The following FBLIM1 variants were observed in gnomAD, a reference collection of about 807,000 sequenced individuals.
The protein encoded by FBLIM1 is filamin-binding LIM protein 1.
In FBLIM1, 29 loss-of-function variants were observed where a neutral mutation model predicts 37.4. That is an observed-to-expected ratio of 0.77 (90% CI 0.58 to 1.06). FBLIM1 has a LOEUF of 1.06. Ranked by LOEUF, FBLIM1 falls within the 50% of genes least tolerant of loss-of-function variation. The probability of loss-of-function intolerance (pLI) is 0.00; values close to 1 mark genes in which losing one functional copy is unlikely to be tolerated. For missense variants in FBLIM1, 449 were observed against 505.6 expected, an observed-to-expected ratio of 0.89 and a Z score of 1.07; for synonymous variants, 193 against 199.0, an observed-to-expected ratio of 0.97 and a Z score of 0.25.
chr1:15,775,267 TG>T (rs1226315041), intron 7 of FBLIM1: 2 of 164,548 alleles, frequency 1.2e-5, no homozygotes, highest in Non-Finnish European at 2.5e-5. Context: ...CTGGGGGCAG[TG>T]GCTCACACCT....
chr1:15,774,430 A>G lies in FBLIM1; in HGVS notation c.712-188A>G, dbSNP rs142142232. On this transcript the variant is annotated intron_variant, in intron 6 of 8. Coordinates refer to ENST00000375766, the MANE Select transcript of FBLIM1 (RefSeq NM_017556.4). Reference sequence around the variant, plus strand: ...CAGTATTCCTTGCTGTAAGCCAAGGATGCAAGGCTAAGCTCAATTTGTTAT... The same window carrying G: ...CAGTATTCCTTGCTGTAAGCCAAGGGTGCAAGGCTAAGCTCAATTTGTTAT... 4.7e-3 allele frequency among the ~76,000 whole-genome samples: 723 copies of G among 152,360 alleles called. 4 individuals are homozygous for G. The highest frequency in any genetic ancestry group is 0.015 in the African/African-American group (631 of 41,586).
At chr1:15,771,806 A>T (rs1384135388) in intron 6 of FBLIM1, among the ~76,000 whole-genome samples, 1 of 151,602 alleles carries the variant, frequency 6.6e-6, no homozygotes, top group Non-Finnish European at 1.5e-5. Context: ...CTTTGGGGGC[A>T]TCTCTTAGCT....
chr1:15,776,205 C>T (rs780846084), intron 7 of FBLIM1, among the ~76,000 whole-genome samples: 2 of 151,710 alleles, frequency 1.3e-5, no homozygotes, highest in African/African-American at 4.8e-5. Flanking sequence ...TGCAGTGAGC[C>T]GAGATCGCAC....
chr1:15,779,331 G>A lies in FBLIM1; in HGVS notation c.1008+2044G>A, dbSNP rs189249817. Among the ~76,000 whole-genome samples the A allele has an allele frequency of 4.1e-3, 629 of 151,818 alleles. 2 individuals carry two copies. Among genetic ancestry groups the A allele is most frequent in the African/African-American group, 0.014 (569 of 41,416 alleles). ...TTATTTATTTATTTTTTGAGATGGC[G>A]TCTCACTCTGTCACCCAGGCTGGAG... On this transcript the variant is annotated intron_variant, in intron 8 of 8. Coordinates refer to ENST00000375766, the MANE Select transcript of FBLIM1 (RefSeq NM_017556.4).
chr1:15,770,759 TG>T (rs2069163106), intron 6 of FBLIM1, among the ~76,000 whole-genome samples, 181 bp downstream of exon 6: 1 of 152,188 alleles, frequency 6.6e-6, no homozygotes, highest in Non-Finnish European at 1.5e-5. Flanking sequence ...TAGGGCTGCC[TG>T]TAAGAGATCA....
At chr1:15,763,568 G>A in intron 1 of FBLIM1, among the ~76,000 whole-genome samples, 1 of 151,300 alleles carries the variant, frequency 6.6e-6, no homozygotes, top group East Asian at 2.1e-4. Context: ...CCTGGGAAGT[G>A]GAGCTTGCAG....
chr1:15,772,950 A>AT (rs2069291724), intron 6 of FBLIM1, among the ~76,000 whole-genome samples: 1 of 151,466 alleles, frequency 6.6e-6, no homozygotes, highest in South Asian at 2.1e-4. Context: ...ACGCCCGGCT[A>AT]TTTTTTGTAT....
Position 15,784,982 on chromosome 1 carries a change from A to C in FBLIM1, c.*321A>C. 1 of 247,364 alleles carries C rather than the reference A, an allele frequency of 4.0e-6. No homozygotes were observed. Among genetic ancestry groups the C allele is most frequent in the Non-Finnish European group, 7.9e-6 (1 of 126,674 alleles). 15.3% of individuals were successfully genotyped at this position (247,364 alleles called of 1,614,324 possible). ...CTAGCTGTCTGGTAGGGGTGCTAGG[A>C]CCAGCCTCGCCTGTGGGGTTGAGCT... On this transcript the variant is annotated 3_prime_UTR_variant, in exon 9 of 9. Coordinates refer to ENST00000375766, the MANE Select transcript of FBLIM1 (RefSeq NM_017556.4).
intron 8 of FBLIM1, among the ~76,000 whole-genome samples, chr1:15,781,988 A>G (rs1426119684): frequency 2.0e-5 from 3 of 151,726 alleles, no homozygotes; most frequent in Admixed American, 6.6e-5. Context: ...AAAGAGCTGG[A>G]ATTACAGGTG....
At chr1:15,784,518 G>A (rs1480707140) in intron 8 of FBLIM1, 30 bp from the exon 9 acceptor site, 1 of 1,593,418 alleles carries the variant, frequency 6.3e-7, no homozygotes, top group Non-Finnish European at 8.6e-7. Context: ...CAGGCCCAGG[G>A]CGGGTCAGCA....
chr1:15,781,876 G>A (rs953879444), intron 8 of FBLIM1, among the ~76,000 whole-genome samples: 18 of 56,208 alleles, frequency 3.2e-4, no homozygotes, highest in Non-Finnish European at 5.3e-4. Flanking sequence ...CTGCCACCAC[G>A]CCTGGCTAAT....
chr1:15,777,565 T>C (rs2069528706), intron 8 of FBLIM1, among the ~76,000 whole-genome samples: 1 of 149,596 alleles, frequency 6.7e-6, no homozygotes, highest in Admixed American at 6.9e-5. Context: ...GCATCAGGAC[T>C]CTCTCCATTT....
intron 5 of FBLIM1, among the ~76,000 whole-genome samples, chr1:15,769,212 C>A (rs537109718): frequency 7.5e-4 from 114 of 152,316 alleles, no homozygotes; most frequent in Non-Finnish European, 7.8e-4. Flanking sequence ...CGTGGTGGCT[C>A]ACGCCTATAA....
rs1405242725 is a variant in FBLIM1 at position 15,774,385 on chromosome 1, A to G, written c.712-233A>G. 2.0e-5 allele frequency among the ~76,000 whole-genome samples: 3 copies of G among 152,240 alleles called. No homozygotes were observed. In the East Asian group the frequency reaches 5.8e-4, roughly 29 times the overall value. On this transcript the variant is annotated intron_variant, in intron 6 of 8. Transcript: ENST00000375766. ...TATCCCAGTAACAAGAAATGCAGCC[A>G]TAGCATCAGGGCATCAGGGCAGTAT...
intron 8 of FBLIM1, among the ~76,000 whole-genome samples, chr1:15,779,869 C>G (rs929904250): frequency 7.2e-5 from 11 of 151,852 alleles, no homozygotes; most frequent in Non-Finnish European, 1.5e-4. Context: ...TCTTTAAATT[C>G]TTGATTTTTG....
chr1:15,761,119 A>G (rs1181571093), intron 1 of FBLIM1, among the ~76,000 whole-genome samples: 1 of 151,812 alleles, frequency 6.6e-6, no homozygotes, highest in African/African-American at 2.4e-5. Context: ...AGGAAGGGTC[A>G]GGGCTGGGTG....
intron 1 of FBLIM1, among the ~76,000 whole-genome samples, chr1:15,763,366 C>T (rs1432332444): frequency 6.6e-6 from 1 of 151,810 alleles, no homozygotes; most frequent in Non-Finnish European, 1.5e-5. Context: ...GGTGCGATGG[C>T]TCACGCCTGT....
At chr1:15,781,144 G>A (rs186639669) in intron 8 of FBLIM1, among the ~76,000 whole-genome samples, 4 of 152,148 alleles carry the variant, frequency 2.6e-5, no homozygotes, top group Non-Finnish European at 4.4e-5. Context: ...TGAGGCAGGC[G>A]GTCAAGAGAT....
chr1:15,767,512 C>G lies in FBLIM1; in HGVS notation c.387C>G (p.Leu129=). Residue 129 remains leucine, a synonymous_variant, in exon 4 of 9, where the codon CTC becomes CTG. Transcript: ENST00000375766. ...EEAPAPMGAS[L]IADLEQLHLS... ...CTCCTGCTCCAATGGGGGCCTCACT[C>G]ATTGCAGACTTAGAGCAGCTGCACC... The G allele has an allele frequency of 6.5e-7, 1 of 1,537,582 alleles. No homozygotes were observed. The highest frequency in any genetic ancestry group is 8.7e-7 in the Non-Finnish European group (1 of 1,146,304).
Sources: allele counts gnomAD v4.1 joint callset (sites outside exome capture counted in the v4.1 genomes callset), GRCh38; gene constraint gnomAD v4.1.1; transcripts MANE v1.5; gene names NCBI Gene and HGNC (gene_info 2026-07-23, HGNC 2026-07-21).